The following RARB variants were observed in gnomAD, a reference collection of about 807,000 sequenced individuals.
RARB encodes retinoic acid receptor beta.
RARB carries 17 observed loss-of-function variants against 51.9 expected under a neutral mutation model. That is an observed-to-expected ratio of 0.33 (90% CI 0.22 to 0.49). The LOEUF is 0.49. Among genes scored for constraint, RARB ranks in the 20% least tolerant of loss-of-function variants. The probability of loss-of-function intolerance (pLI) is 0.99; values close to 1 mark genes in which losing one functional copy is unlikely to be tolerated. For synonymous variants in RARB, 215 were observed against 195.4 expected (o/e 1.10, Z -0.84); for missense variants, 369 against 550.8 (o/e 0.67, Z 3.30).
At chr3:25,293,924 A>G (rs1259465951) in intron 5 of RARB, among the ~76,000 whole-genome samples, 1 of 152,188 alleles carries the variant, frequency 6.6e-6, no homozygotes, top group Non-Finnish European at 1.5e-5. Context: ...GTGGCTACTC[A>G]TGGCTCATCG....
rs552935873 is a variant in RARB, at chr3:25,332,260, G to A, written c.179-128933G>A. Among the ~76,000 whole-genome samples the A allele has an allele frequency of 4.6e-5, 7 of 152,206 alleles. No individual in the cohort carries two copies. In the South Asian group the frequency reaches 6.2e-4, roughly 14 times the overall value. On this transcript the variant is annotated intron_variant, in intron 5 of 11. Coordinates refer to the RARB transcript ENST00000383772. ...TAGACCAATATCCCTGATGAACATCGATGCAGAAATCCTCAATAAAATACT... is the reference window on the plus strand; with the variant it reads ...TAGACCAATATCCCTGATGAACATCAATGCAGAAATCCTCAATAAAATACT...
chr3:25,361,921 C>G (rs756996133), intron 5 of RARB, among the ~76,000 whole-genome samples: 10 of 152,164 alleles, frequency 6.6e-5, no homozygotes, highest in Non-Finnish European at 1.0e-4. Flanking sequence ...CTGTCGACCC[C>G]TGCTGGGAGG....
At chr3:25,480,258 C>T (rs879351010) in intron 2 of RARB, among the ~76,000 whole-genome samples, 1 of 152,220 alleles carries the variant, frequency 6.6e-6, no homozygotes, top group Admixed American at 6.5e-5. Flanking sequence ...AGTATATACA[C>T]AGTGCTTCTT....
chr3:25,210,893 A>G (rs1701680469), intron 5 of RARB, among the ~76,000 whole-genome samples: 2 of 151,872 alleles, frequency 1.3e-5, no homozygotes, highest in South Asian at 2.1e-4. Flanking sequence ...CTACCACATA[A>G]AAGTCCACTC....
chr3:25,032,163 A>G (rs368315663), intron 2 of RARB, among the ~76,000 whole-genome samples: 2 of 152,342 alleles, frequency 1.3e-5, no homozygotes, highest in East Asian at 1.9e-4. Context: ...CTCTGCTACT[A>G]TAGTAGCCAG....
chr3:25,254,268 C>T (rs990000807), intron 5 of RARB, among the ~76,000 whole-genome samples: 1 of 152,106 alleles, frequency 6.6e-6, no homozygotes, highest in African/African-American at 2.4e-5. Flanking sequence ...AGATTATTTC[C>T]TGTCTTTATT....
intron 2 of RARB, among the ~76,000 whole-genome samples, chr3:24,896,372 G>A (rs1396028983): frequency 6.6e-6 from 1 of 152,128 alleles, no homozygotes; most frequent in African/African-American, 2.4e-5. Context: ...CGATCCTCCT[G>A]CTTCAGCCTC....
intron 5 of RARB, among the ~76,000 whole-genome samples, chr3:25,412,716 C>T (rs147380197): frequency 9.8e-4 from 149 of 152,216 alleles, no homozygotes; most frequent in Middle Eastern, 6.8e-3. Context: ...GCACTCAGAT[C>T]GAGAAAAAGA....
chr3:25,456,682 T>TATAG (rs1491372969), intron 1 of RARB, among the ~76,000 whole-genome samples: 421 of 88,340 alleles, frequency 4.8e-3, no homozygotes, highest in Middle Eastern at 7.8e-3. Context: ...TATATATATA[T>TATAG]AGAGAGAGAG....
At chr3:25,264,372 T>TTA (rs1213305038) in intron 5 of RARB, among the ~76,000 whole-genome samples, 1 of 152,024 alleles carries the variant, frequency 6.6e-6, no homozygotes, top group Non-Finnish European at 1.5e-5. Context: ...CTATTTTTTT[T>TTA]TATATAAGGC....
At chr3:24,830,598 G>A (rs571624292) in intron 1 of RARB, among the ~76,000 whole-genome samples, 1 of 151,132 alleles carries the variant, frequency 6.6e-6, no homozygotes, top group African/African-American at 2.4e-5. Flanking sequence ...AGTGATGGTC[G>A]CGGAGTGGAA....
At chr3:25,379,963 GA>G (rs1183957537) in intron 5 of RARB, among the ~76,000 whole-genome samples, 2 of 152,172 alleles carry the variant, frequency 1.3e-5, no homozygotes, top group Non-Finnish European at 2.9e-5. Flanking sequence ...CCCCAGAGGA[GA>G]GATTCTGAAA....
At chr3:25,393,510 T>G (rs1961005) in intron 5 of RARB, among the ~76,000 whole-genome samples, 5,320 of 152,268 alleles carry the variant, frequency 0.035, 121 homozygotes, top group Middle Eastern at 0.065. Flanking sequence ...TGAATCCATC[T>G]GTTCCTGAAC....
chr3:25,181,877 A>G (rs1436236), intron 5 of RARB, among the ~76,000 whole-genome samples: 70,223 of 152,014 alleles, frequency 0.46, 17,213 homozygotes, highest in East Asian at 0.7. Flanking sequence ...CAAGTCACCA[A>G]TTCCACAAAC....
At chr3:25,216,693 T>C (rs1701841111) in intron 5 of RARB, among the ~76,000 whole-genome samples, 1 of 151,180 alleles carries the variant, frequency 6.6e-6, no homozygotes, top group Admixed American at 6.6e-5. Flanking sequence ...TCTGCACGTG[T>C]ATCCTGTTTT....
chr3:25,107,184 AG>A (rs1426472267), intron 3 of RARB, among the ~76,000 whole-genome samples: 4 of 152,216 alleles, frequency 2.6e-5, no homozygotes, highest in African/African-American at 9.7e-5. Flanking sequence ...TACAGGCATT[AG>A]CCACTGCACC....
chr3:25,038,220 C>T (rs1357724033), intron 2 of RARB, among the ~76,000 whole-genome samples: 1 of 152,072 alleles, frequency 6.6e-6, no homozygotes, highest in South Asian at 2.1e-4. Context: ...TTGATAGATA[C>T]TTGGTAAATT....
At chr3:24,996,852 T>C (rs1011608617) in intron 2 of RARB, among the ~76,000 whole-genome samples, 2 of 152,074 alleles carry the variant, frequency 1.3e-5, no homozygotes, top group Admixed American at 1.3e-4. Context: ...AAAAAAAATT[T>C]AGAGACTTGT....
At chr3:25,580,283 A>C (rs1236742507) in intron 4 of RARB, among the ~76,000 whole-genome samples, 1 of 152,246 alleles carries the variant, frequency 6.6e-6, no homozygotes, top group East Asian at 1.9e-4. Context: ...CTGAGGCAGG[A>C]GAATCGTTTG....
Sources: gnomAD v4.1 joint callset for allele counts (sites outside exome capture counted in the v4.1 genomes callset) on GRCh38, gnomAD v4.1.1 for gene constraint, MANE v1.5 for transcripts, NCBI Gene and HGNC (gene_info 2026-07-23, HGNC 2026-07-21) for gene names.